The following KLHL4 variants were observed in gnomAD, a reference collection of about 807,000 sequenced individuals.
KLHL4 encodes the protein kelch like family member 4, also known as kelch-like protein 4.
Under a neutral mutation model 45.8 loss-of-function variants are expected in KLHL4, and 17 were observed. That is an observed-to-expected ratio of 0.37 (90% CI 0.25 to 0.56). The LOEUF (loss-of-function observed/expected upper bound fraction) is 0.56, where lower values mean the gene tolerates loss of function less well. Among genes scored for constraint, KLHL4 ranks in the 20% least tolerant of loss-of-function variants. The pLI is 0.79. For synonymous variants in KLHL4, 224 were observed against 189.9 expected (o/e 1.18, Z -1.47); for missense variants, 544 against 544.9 (o/e 1.00, Z 0.02).
intron 1 of KLHL4, among the ~76,000 whole-genome samples, chrX:87,533,388 G>T (rs1196533227): frequency 3.0e-5 from 3 of 98,658 alleles, no homozygotes; most frequent in African/African-American, 1.1e-4. Context: ...AAAATGATGA[G>T]TTCATGTCCT....
At chrX:87,591,498 T>G (rs1394178733) in intron 1 of KLHL4, among the ~76,000 whole-genome samples, 2 of 111,460 alleles carry the variant, frequency 1.8e-5, no homozygotes, top group East Asian at 5.6e-4. Flanking sequence ...TTAGTCAGAT[T>G]ATTTGTTGTT....
At chrX:87,595,366 A>C (rs766217719) in intron 1 of KLHL4, among the ~76,000 whole-genome samples, 1 of 112,272 alleles carries the variant, frequency 8.9e-6, no homozygotes, top group South Asian at 3.7e-4. Flanking sequence ...TCTACCATGC[A>C]CAGTATGTGT....
In KLHL4 at chrX:87,639,899, C is replaced by T. The variant is rs184274829; in HGVS notation, c.1925+4124C>T. ...ACAAAAAAATACAAAAGAGAAAACA[C>T]ACAGCTGGTTCTTTGAAAAAAATAA... On this transcript the variant is annotated intron_variant, in intron 9 of 10. Coordinates refer to ENST00000373119, the MANE Select transcript of KLHL4 (RefSeq NM_019117.5). 6.4e-5 allele frequency among the ~76,000 whole-genome samples: 7 copies of T among 109,101 alleles called. No individual in the cohort carries two copies. The East Asian group carries it at 2.0e-3, about 31-fold the overall frequency. 94.7% of individuals were successfully genotyped at this position (109,101 alleles called of 115,157 possible).
intron 9 of KLHL4, among the ~76,000 whole-genome samples, chrX:87,649,747 A>C (rs1923747033): frequency 9.0e-6 from 1 of 111,198 alleles, no homozygotes; most frequent in Non-Finnish European, 1.9e-5. Flanking sequence ...CAGTTTTCCC[A>C]TTAGCATGTG....
chrX:87,531,966 G>T (rs1266664006), intron 1 of KLHL4, among the ~76,000 whole-genome samples: 1 of 104,592 alleles, frequency 9.6e-6, no homozygotes, highest in Non-Finnish European at 2.0e-5. Flanking sequence ...TTTCTTCACA[G>T]AATTGGAAAA....
At chrX:87,623,851 G>T (rs1922839255) in intron 5 of KLHL4, among the ~76,000 whole-genome samples, 1 of 111,623 alleles carries the variant, frequency 9.0e-6, no homozygotes, top group Non-Finnish European at 1.9e-5. Flanking sequence ...ATGTTTGGGT[G>T]AAGGTATACA....
At chrX:87,642,429 T>C (rs1236314492) in intron 9 of KLHL4, among the ~76,000 whole-genome samples, 2 of 111,778 alleles carry the variant, frequency 1.8e-5, no homozygotes, top group Non-Finnish European at 3.8e-5. Context: ...TGACAGAGCC[T>C]ACCCAAATGA....
intron 1 of KLHL4, among the ~76,000 whole-genome samples, chrX:87,591,416 TG>T (rs1378311872): frequency 5.3e-4 from 60 of 112,164 alleles, no homozygotes; most frequent in African/African-American, 1.9e-3. Context: ...TGATGATGTC[TG>T]GGCTTTTAGT....
chrX:87,533,659 C>T (rs1320584900), intron 1 of KLHL4, among the ~76,000 whole-genome samples: 1 of 108,850 alleles, frequency 9.2e-6, no homozygotes, highest in Admixed American at 1.0e-4. Flanking sequence ...ACATATGTAA[C>T]TAACCTGCAC....
At chrX:87,533,707 TAATAA>T (rs1226300312) in intron 1 of KLHL4, among the ~76,000 whole-genome samples, 1 of 110,061 alleles carries the variant, frequency 9.1e-6, no homozygotes, top group Non-Finnish European at 1.9e-5. Flanking sequence ...AGTATAATAA[TAATAA>T]AATAAAATAA....
intron 9 of KLHL4, among the ~76,000 whole-genome samples, chrX:87,657,864 AG>A (rs1454328704): frequency 3.3e-4 from 37 of 112,191 alleles, no homozygotes; most frequent in African/African-American, 1.2e-3. Flanking sequence ...CCCCAGTAGC[AG>A]GTGCAAGTGC....
chrX:87,641,823 C>T (rs1281615411), intron 9 of KLHL4, among the ~76,000 whole-genome samples: 1 of 110,543 alleles, frequency 9.0e-6, no homozygotes, highest in Non-Finnish European at 1.9e-5. Flanking sequence ...CCATAATCCT[C>T]CTAGGTACAC....
At chrX:87,541,492 C>CAAAA (rs34665491) in intron 1 of KLHL4, among the ~76,000 whole-genome samples, 6 of 44,378 alleles carry the variant, frequency 1.4e-4, no homozygotes, top group African/African-American at 5.6e-4. Flanking sequence ...CTCCATCTCA[C>CAAAA]AAAAAAAAAA....
At chrX:87,528,552 TA>T in intron 1 of KLHL4, among the ~76,000 whole-genome samples, 1 of 107,749 alleles carries the variant, frequency 9.3e-6, no homozygotes, top group African/African-American at 3.4e-5. Flanking sequence ...CCGTCTCTAC[TA>T]AAAGTATAAA....
At chrX:87,611,446 G>C (rs1377602183) in intron 1 of KLHL4, among the ~76,000 whole-genome samples, 1 of 110,418 alleles carries the variant, frequency 9.1e-6, no homozygotes, top group Non-Finnish European at 1.9e-5. Context: ...CTTATATGAT[G>C]ATGGCCCCAT....
chrX:87,523,744 C>A (rs1357707472), intron 1 of KLHL4, among the ~76,000 whole-genome samples: 2 of 111,275 alleles, frequency 1.8e-5, no homozygotes, highest in Non-Finnish European at 3.8e-5. Context: ...AGGCGGGTCA[C>A]TTGAGGTCAG....
chrX:87,529,753 A>T (rs1051699015), intron 1 of KLHL4, among the ~76,000 whole-genome samples: 5 of 112,058 alleles, frequency 4.5e-5, no homozygotes, highest in Admixed American at 2.9e-4. Flanking sequence ...ATACTTTTTA[A>T]ATTCCCTTTT....
intron 1 of KLHL4, among the ~76,000 whole-genome samples, chrX:87,553,310 T>C (rs2147780190): frequency 9.0e-6 from 1 of 110,921 alleles, no homozygotes; most frequent in African/African-American, 3.3e-5. Flanking sequence ...TTTGACTCAA[T>C]GTAATTCAAA....
chrX:87,629,420 G>A (rs895287872), intron 6 of KLHL4, among the ~76,000 whole-genome samples: 2 of 110,974 alleles, frequency 1.8e-5, no homozygotes, highest in Non-Finnish European at 3.8e-5. Flanking sequence ...TCAATATGTA[G>A]AACTACTAGT....
Sources: gnomAD v4.1 joint callset for allele counts (sites outside exome capture counted in the v4.1 genomes callset) on GRCh38, gnomAD v4.1.1 for gene constraint, MANE v1.5 for transcripts, NCBI Gene and HGNC (gene_info 2026-07-23, HGNC 2026-07-21) for gene names.